Variants in CLTCL1 observed in about 807,000 individuals in gnomAD.
CLTCL1 encodes clathrin heavy chain like 1.
Under a neutral mutation model 190.0 loss-of-function variants are expected in CLTCL1, and 159 were observed. That is an observed-to-expected ratio of 0.84 (90% confidence interval 0.74 to 0.95). The LOEUF (loss-of-function observed/expected upper bound fraction) is 0.95. Among genes scored for constraint, CLTCL1 ranks in the 40% least tolerant of loss-of-function variants. CLTCL1 has a pLI of 0.00. For synonymous variants in CLTCL1, 752 were observed against 769.6 expected, an observed-to-expected ratio of 0.98 and a Z score of 0.38; for missense variants, 1,878 against 2,033.4, an observed-to-expected ratio of 0.92 and a Z score of 1.47.
intron 27 of CLTCL1, 116 bp downstream of exon 27, chr22:19,191,188 A>G: frequency 8.1e-7 from 1 of 1,239,652 alleles, no homozygotes; most frequent in East Asian, 2.4e-5. Flanking sequence ...ACACTGGTGA[A>G]TCTTCAAGTC....
intron 1 of CLTCL1, among the ~76,000 whole-genome samples, chr22:19,285,444 T>C (rs2087873459): frequency 6.6e-6 from 1 of 152,184 alleles, no homozygotes; most frequent in Non-Finnish European, 1.5e-5. Context: ...ATTTATATAA[T>C]GCTTTACAGA....
At chr22:19,252,783 G>C (rs1262642459) in intron 3 of CLTCL1, among the ~76,000 whole-genome samples, 1 of 152,216 alleles carries the variant, frequency 6.6e-6, no homozygotes, top group Non-Finnish European at 1.5e-5. Context: ...GGGAGGCCAA[G>C]GCGGGCGGAT....
chr22:19,267,734 G>A (rs1021151431), intron 2 of CLTCL1, among the ~76,000 whole-genome samples: 1 of 151,762 alleles, frequency 6.6e-6, no homozygotes, highest in East Asian at 1.9e-4. Context: ...TCTCTACTAA[G>A]CATACAAAAA....
chr22:19,214,021 C>T (rs1235849419), intron 19 of CLTCL1, among the ~76,000 whole-genome samples: 1 of 152,134 alleles, frequency 6.6e-6, no homozygotes, highest in African/African-American at 2.4e-5. Flanking sequence ...TCTGGTATTC[C>T]ACTGTATGAC....
chr22:19,212,651 GAA>G, intron 19 of CLTCL1, among the ~76,000 whole-genome samples: 1 of 148,832 alleles, frequency 6.7e-6, no homozygotes, highest in South Asian at 2.1e-4. Context: ...AAAGAAAAAA[GAA>G]AGAAAGAAAG....
At chr22:19,188,967 G>A (rs575742333) in intron 27 of CLTCL1, among the ~76,000 whole-genome samples, 13 of 151,230 alleles carry the variant, frequency 8.6e-5, no homozygotes, top group African/African-American at 1.5e-4. Context: ...GCAGTGGCGC[G>A]ATCTTGGCTC....
In CLTCL1 at chr22:19,226,325, G is replaced by A. The variant is rs782573395; in HGVS notation, c.1841C>T (p.Ala614Val). The change falls in exon 12 of 33, where the codon GCC (alanine) becomes GTC (valine). Residue 614 changes from alanine (A) to valine (V), a missense_variant. Coordinates refer to ENST00000427926, the MANE Select transcript of CLTCL1 (RefSeq NM_007098.4). ...GAGGCCTGCCTTCTCACAGAGCTGG[G>A]CAATGTGGGCCCGGTCGTAATGAGT... is the stretch of plus-strand genomic sequence containing the variant. ...MFTHYDRAHI[A>V]QLCEKAGLLQ... 4.3e-6 allele frequency: 7 copies of A among 1,614,058 alleles called. No individual in the cohort carries two copies. Among genetic ancestry groups the A allele is most frequent in the African/African-American group, 2.7e-5 (2 of 75,058 alleles).
rs368616857 is a variant in CLTCL1, at chr22:19,233,536, G to A, written c.1254C>T (p.Phe418=). Residue 418 remains phenylalanine, a synonymous_variant, in exon 8 of 33, where the codon TTC becomes TTT. Coordinates refer to ENST00000427926, the MANE Select transcript of CLTCL1 (RefSeq NM_007098.4). The stretch of plus-strand genomic sequence containing the variant: ...GCTGACCCTGGTCGAGCAGGATTCC[G>A]AAGTACTGCAGCAATGGAGAAGCCT... The part of the protein sequence containing the change: ...SGQASPLLQY[F]GILLDQGQLN... 245 of 1,613,962 alleles carry A rather than the reference G, an allele frequency of 1.5e-4. No homozygotes were observed. The highest frequency in any genetic ancestry group is 3.1e-4 in the South Asian group (28 of 91,076).
intron 6 of CLTCL1, among the ~76,000 whole-genome samples, 170 bp from the exon 7 acceptor site, chr22:19,234,876 A>G (rs1371093234): frequency 6.6e-6 from 1 of 152,202 alleles, no homozygotes; most frequent in Non-Finnish European, 1.5e-5. Flanking sequence ...CGAAAGCCAA[A>G]TGGTAACAAA....
chr22:19,261,118 T>G lies in CLTCL1; in HGVS notation c.251-6891A>C, dbSNP rs549655169. ...AGTCTTATTATTTAAGAAATGCATTTTTTTTTTTTTTGAGACGGAGTCTTT... is the reference window on the plus strand; with the variant it reads ...AGTCTTATTATTTAAGAAATGCATTGTTTTTTTTTTTGAGACGGAGTCTTT... On this transcript the variant is annotated intron_variant, in intron 2 of 32. Transcript: ENST00000427926. Among the ~76,000 whole-genome samples, 24 of 151,302 alleles carry G rather than the reference T, an allele frequency of 1.6e-4. No individual in the cohort carries two copies. The East Asian group carries it at 4.5e-3, about 29-fold the overall frequency.
chr22:19,238,610 G>C, intron 5 of CLTCL1: 1 of 205,638 alleles, frequency 4.9e-6, no homozygotes, highest in South Asian at 9.3e-5. Flanking sequence ...CTCATAGCAC[G>C]AACTCCTCGA....
At position 19,254,069 on chromosome 22, in the gene CLTCL1, G is replaced by A. The variant is rs1555971348; in HGVS notation, c.409C>T (p.Gln137Ter). 6.2e-7 allele frequency: 1 copy of A among 1,612,136 alleles called. No individual in the cohort carries two copies. Among genetic ancestry groups the A allele is most frequent in the Non-Finnish European group, 8.5e-7 (1 of 1,179,028 alleles). Residue 137 changes from glutamine (Q) to a stop codon, truncating the protein, a stop_gained, in exon 3 of 33, where the codon CAG becomes TAG. Coordinates refer to ENST00000427926, the MANE Select transcript of CLTCL1 (RefSeq NM_007098.4). LOFTEE classifies it high-confidence loss of function. ...VYHWSMEGDS[Q>*]PMKMFDRHTS... ...TGTCTATCAAACATCTTCATGGGCT[G>A]GGAGTCACCTTCCATGCTCCAGTGG...
chr22:19,226,980 TG>T (rs1485833356), intron 11 of CLTCL1, among the ~76,000 whole-genome samples: 1 of 151,976 alleles, frequency 6.6e-6, no homozygotes, highest in Non-Finnish European at 1.5e-5. Context: ...TCAAATGATC[TG>T]CCCACCTTGG....
chr22:19,252,742 C>T (rs146946775), intron 3 of CLTCL1, among the ~76,000 whole-genome samples: 493 of 152,272 alleles, frequency 3.2e-3, no homozygotes, highest in Non-Finnish European at 4.3e-3. Context: ...GGGACGGGCG[C>T]GGTGGCTCAC....
intron 14 of CLTCL1, 25 bp downstream of exon 14, chr22:19,223,866 G>A (rs782266102): frequency 6.2e-7 from 1 of 1,612,364 alleles, no homozygotes; most frequent in East Asian, 2.2e-5. Flanking sequence ...GGCAGCTCAT[G>A]GAAGGAGGCA....
chr22:19,224,193 A>T, intron 13 of CLTCL1, 139 bp from the exon 14 acceptor site: 1 of 828,636 alleles, frequency 1.2e-6, no homozygotes, highest in Non-Finnish European at 1.9e-6. Context: ...TCAATATGCC[A>T]TTTGTCTGTT....
At chr22:19,230,827 G>A (rs1267689654) in intron 10 of CLTCL1, among the ~76,000 whole-genome samples, 1 of 152,136 alleles carries the variant, frequency 6.6e-6, no homozygotes, top group African/African-American at 2.4e-5. Flanking sequence ...TGTTTGTGAG[G>A]GCATTCCCAG....
chr22:19,287,446 G>A (rs1224232237), intron 1 of CLTCL1, among the ~76,000 whole-genome samples: 1 of 152,180 alleles, frequency 6.6e-6, no homozygotes, highest in East Asian at 1.9e-4. Context: ...GGGAGCGGCA[G>A]CAGAGTTGAG....
intron 2 of CLTCL1, among the ~76,000 whole-genome samples, chr22:19,259,615 C>T (rs1231285116): frequency 2.6e-5 from 4 of 152,096 alleles, no homozygotes; most frequent in Non-Finnish European, 5.9e-5. Context: ...TTTTGTGTCA[C>T]CATGAACCAC....
Sources: gnomAD v4.1 joint callset for allele counts (sites outside exome capture counted in the v4.1 genomes callset) on GRCh38, gnomAD v4.1.1 for gene constraint, MANE v1.5 for transcripts, NCBI Gene and HGNC (gene_info 2026-07-23, HGNC 2026-07-21) for gene names.